Variants in NFAT5 observed in about 807,000 individuals in gnomAD.
NFAT5 encodes the protein nuclear factor of activated T cells 5.
NFAT5 carries 31 observed loss-of-function variants against 166.5 expected under a neutral mutation model. That is an observed-to-expected ratio of 0.19 (90% CI 0.14 to 0.25). The LOEUF (loss-of-function observed/expected upper bound fraction) is 0.25. Ranked by LOEUF, NFAT5 falls within the 10% of genes least tolerant of loss-of-function variation. The probability of loss-of-function intolerance (pLI) is 1.00; values close to 1 mark genes in which losing one functional copy is unlikely to be tolerated. For missense variants in NFAT5, 1,449 were observed against 1,821.8 expected (o/e 0.80, Z 3.72); for synonymous variants, 612 against 639.7 (o/e 0.96, Z 0.65).
At position 69,655,737 on chromosome 16, in the gene NFAT5, G is replaced by A. The variant is rs1218385052; in HGVS notation, c.1134G>A (p.Val378=). The A allele has an allele frequency of 1.9e-6, 3 of 1,613,812 alleles. No homozygotes were observed. Among genetic ancestry groups the A allele is most frequent in the South Asian group, 1.1e-5 (1 of 91,056 alleles). Residue 378 remains valine (V), a synonymous_variant, in exon 6 of 15, where the codon GTG becomes GTA. Transcript: ENST00000349945. ...GAAATACAACTCCTTGCAAAGAAGT[G>A]GACATTGAAGGCACTACTGTTATAG... The part of the protein sequence containing the change: ...TGRNTTPCKE[V]DIEGTTVIEV...
chr16:69,650,117 G>A (rs905194493), intron 4 of NFAT5, among the ~76,000 whole-genome samples: 1 of 151,944 alleles, frequency 6.6e-6, no homozygotes, highest in Admixed American at 6.6e-5. Flanking sequence ...CCTACTTTAG[G>A]CTTTTTGTAA....
chr16:69,577,367 T>C (rs1280922570), intron 2 of NFAT5, among the ~76,000 whole-genome samples: 1 of 152,170 alleles, frequency 6.6e-6, no homozygotes, highest in Admixed American at 6.6e-5. Context: ...AATAACACTA[T>C]TATGGCTAAG....
chr16:69,683,618 T>C (rs1353560232), intron 10 of NFAT5, among the ~76,000 whole-genome samples: 1 of 152,224 alleles, frequency 6.6e-6, no homozygotes, highest in Non-Finnish European at 1.5e-5. Flanking sequence ...TATTAAACTT[T>C]ATTTTTTAGA....
chr16:69,659,130 T>TA (rs1353842799), intron 6 of NFAT5, among the ~76,000 whole-genome samples: 44 of 135,432 alleles, frequency 3.2e-4, no homozygotes, highest in Non-Finnish European at 4.2e-4. Context: ...ATTTTTTTAT[T>TA]TTTTTTTTTT....
rs767475443 is a variant in NFAT5 at position 69,659,727 on chromosome 16, G to A, written c.1197G>A (p.Ala399=). The change falls in exon 7 of 15, where the codon GCG becomes GCA. Residue 399 remains alanine, a splice_region_variant and synonymous_variant. Coordinates refer to ENST00000349945, the MANE Select transcript of NFAT5 (RefSeq NM_138713.4). Reference sequence around the variant, plus strand: ...TTTATATATTTTTTTTCTGTATTAGGGTGGACTGCGTAGGGATATTGAAAT... The same window carrying A: ...TTTATATATTTTTTTTCTGTATTAGAGTGGACTGCGTAGGGATATTGAAAT... ...GLDPSNNMTL[A]VDCVGILKLR... is the part of the protein sequence containing the mutation. 1.9e-6 allele frequency: 3 copies of A among 1,602,978 alleles called. No homozygotes were observed. The highest frequency in any genetic ancestry group is 2.6e-6 in the Non-Finnish European group (3 of 1,173,926).
At chr16:69,622,650 TTTGA>T (rs1280752982) in intron 2 of NFAT5, among the ~76,000 whole-genome samples, 2 of 152,160 alleles carry the variant, frequency 1.3e-5, no homozygotes, top group African/African-American at 2.4e-5. Flanking sequence ...TTTGCTTTGA[TTTGA>T]TTAATTTATT....
chr16:69,607,822 C>T (rs576946778), intron 2 of NFAT5, among the ~76,000 whole-genome samples: 1 of 152,304 alleles, frequency 6.6e-6, no homozygotes, highest in East Asian at 1.9e-4. Context: ...TTCTAAGGTA[C>T]TTTCAATTTC....
intron 2 of NFAT5, among the ~76,000 whole-genome samples, chr16:69,593,394 T>C (rs2032592001): frequency 6.6e-6 from 1 of 152,102 alleles, no homozygotes; most frequent in African/African-American, 2.4e-5. Flanking sequence ...GGCTGTAGCC[T>C]CCACCTCCTG....
rs1244879096 is a variant in NFAT5, at chr16:69,647,412, C to A, written c.638C>A (p.Thr213Asn). The change falls in exon 4 of 15, where the codon ACT (threonine) becomes AAT (asparagine). Residue 213 changes from threonine (T) to asparagine (N), a missense_variant. Physicochemically the swap from Thr to Asn is moderately conservative, Grantham distance 65. Coordinates refer to ENST00000349945, the MANE Select transcript of NFAT5 (RefSeq NM_138713.4). The surrounding 1 kb of genome is among the most constrained non-coding windows in gnomAD (Gnocchi z 4.8). ...NMSTSSYNDN[T>N]EVPRKSRKRN... ...AGCACCAGTTCCTACAATGATAACA[C>A]TGAGGTACCTCGTAAATCACGAAAA... 1 of 1,614,192 alleles carries A rather than the reference C, an allele frequency of 6.2e-7. No individual in the cohort carries two copies.
rs1199586328 is a variant in NFAT5, at chr16:69,701,320, ACTTTCT to A, written c.*4975_*4980del. On this transcript the variant is annotated 3_prime_UTR_variant, in exon 15 of 15. Transcript: ENST00000349945. The stretch of plus-strand genomic sequence containing the variant: ...CATTTATTAATAAAATTATGTTTTT[ACTTTCT>A]CTTTCAGGAAATTTTTTAAATTAAT... 6.6e-6 allele frequency: 1 copy of A among 152,526 alleles called. No homozygotes were observed. Among genetic ancestry groups the A allele is most frequent in the African/African-American group, 2.4e-5 (1 of 41,428 alleles). The allele number at this position is 152,526 out of a possible 1,614,324, so 9.4% of individuals were successfully genotyped here. A position where few individuals can be genotyped will look rare whatever the true frequency, so the allele number is the denominator to read the frequency against.
chr16:69,575,120 A>G (rs1567511007), intron 2 of NFAT5, among the ~76,000 whole-genome samples: 1 of 152,192 alleles, frequency 6.6e-6, no homozygotes, highest in Non-Finnish European at 1.5e-5. Flanking sequence ...AAGATGAGAG[A>G]AGAACAGAAA....
chr16:69,616,355 A>G (rs897812546), intron 2 of NFAT5, among the ~76,000 whole-genome samples: 1 of 151,762 alleles, frequency 6.6e-6, no homozygotes, highest in South Asian at 2.1e-4. Context: ...GGACATCCTC[A>G]TTACTACTTA....
At chr16:69,629,911 A>G (rs1368023675) in intron 3 of NFAT5, among the ~76,000 whole-genome samples, 1 of 150,840 alleles carries the variant, frequency 6.6e-6, no homozygotes, top group Non-Finnish European at 1.5e-5. Flanking sequence ...TGGGAACCAC[A>G]GGCATATGCC....
intron 2 of NFAT5, among the ~76,000 whole-genome samples, chr16:69,574,186 T>C (rs2016606539): frequency 1.3e-5 from 2 of 152,188 alleles, no homozygotes. Context: ...AGACACTTTT[T>C]ATATGAAAAA....
chr16:69,693,138 G>GA lies in NFAT5; in HGVS notation c.3316dup (p.Thr1106AsnfsTer8). ...TGCCGATGCTCAGAACCTTTCCCAG[G>GA]AAACTCAAGGTTCTCTCTTTCATAG... is the stretch of plus-strand genomic sequence containing the variant. On this transcript the variant is annotated frameshift_variant, in exon 13 of 15. Transcript: ENST00000349945. LOFTEE classifies it high-confidence loss of function. 1 of 1,614,064 alleles carries GA rather than the reference G, an allele frequency of 6.2e-7. No homozygotes were observed. The highest frequency in any genetic ancestry group is 2.2e-5 in the East Asian group (1 of 44,880).
intron 2 of NFAT5, among the ~76,000 whole-genome samples, chr16:69,575,432 T>C (rs2016691295): frequency 1.3e-5 from 2 of 152,092 alleles, no homozygotes. Context: ...CCTCCCAAAG[T>C]GCTGGGATTA....
intron 2 of NFAT5, among the ~76,000 whole-genome samples, chr16:69,621,913 T>A (rs933920110): frequency 6.6e-6 from 1 of 152,132 alleles, no homozygotes; most frequent in Non-Finnish European, 1.5e-5. Context: ...CAGTGAACTT[T>A]GATTGTGTCT....
intron 2 of NFAT5, among the ~76,000 whole-genome samples, chr16:69,625,493 C>T (rs2034415299): frequency 6.6e-6 from 1 of 150,596 alleles, no homozygotes. Flanking sequence ...TTGGAGATGC[C>T]TCAGAGAGTA....
At chr16:69,651,506 C>T (rs749491101) in intron 4 of NFAT5, among the ~76,000 whole-genome samples, 2 of 152,092 alleles carry the variant, frequency 1.3e-5, no homozygotes, top group Non-Finnish European at 2.9e-5. Flanking sequence ...TGCTTAGCTT[C>T]TCTGTGTTTG....
Sources: allele counts gnomAD v4.1 joint callset (sites outside exome capture counted in the v4.1 genomes callset), GRCh38; gene constraint gnomAD v4.1.1; non-coding constraint Gnocchi (gnomAD v3.1); transcripts MANE v1.5; gene names NCBI Gene and HGNC (gene_info 2026-07-23, HGNC 2026-07-21).